The following ITPR2 variants were observed in gnomAD, a reference collection of about 807,000 sequenced individuals.
ITPR2 encodes the protein inositol 1,4,5-trisphosphate-gated calcium channel ITPR2.
Under a neutral mutation model 317.1 loss-of-function variants are expected in ITPR2, and 207 were observed. The ratio of observed to expected loss-of-function variants is 0.65; its 90% CI spans 0.58 to 0.73. ITPR2 has a LOEUF of 0.73. ITPR2 is among the 30% of genes least tolerant of loss of function. The probability of loss-of-function intolerance (pLI) is 0.00; values close to 1 mark genes in which losing one functional copy is unlikely to be tolerated. For synonymous variants in ITPR2, 1,156 were observed against 1,149.1 expected (o/e 1.01, Z -0.12); for missense variants, 2,613 against 3,284.0 (o/e 0.80, Z 4.99).
intron 2 of ITPR2, among the ~76,000 whole-genome samples, chr12:26,763,304 CAATA>C (rs563337792): frequency 1.3e-5 from 2 of 150,932 alleles, no homozygotes; most frequent in Non-Finnish European, 3.0e-5. Context: ...CCTACCAGTT[CAATA>C]AATAAATAAA....
At position 26,436,254 on chromosome 12, in the gene ITPR2, G is replaced by T; in HGVS notation, c.6736C>A (p.Leu2246Ile). Reference sequence around the variant, plus strand: ...CCATCATCCCCAAATGGGTAGAAGAGAGCAACAGCTAAATTGATGAACACA... The same window carrying T: ...CCATCATCCCCAAATGGGTAGAAGATAGCAACAGCTAAATTGATGAACACA... ...LAVFINLAVA[L>I]FYPFGDDGDE... The change falls in exon 48 of 57, where the codon CTC (leucine) becomes ATC (isoleucine). Residue 2246 changes from leucine (L) to isoleucine (I), a missense_variant. Physicochemically the swap from Leu to Ile is conservative, Grantham distance 5. Transcript: ENST00000381340. 6.2e-7 allele frequency: 1 copy of T among 1,612,434 alleles called. No homozygotes were observed. Among genetic ancestry groups the T allele is most frequent in the South Asian group, 1.1e-5 (1 of 90,680 alleles).
At position 26,736,676 on chromosome 12, in the gene ITPR2, G is replaced by A. The variant is rs576707943; in HGVS notation, c.164-10911C>T. ...TCACTCTCAAGAATGTCCTGGTTTG[G>A]GTGATAAGTATATTATCACTCCAAA... On this transcript the variant is annotated intron_variant, in intron 2 of 56. Transcript: ENST00000381340. Among the ~76,000 whole-genome samples the A allele has an allele frequency of 3.9e-5, 6 of 152,192 alleles. No homozygotes were observed. In the East Asian group the frequency reaches 1.2e-3, roughly 29 times the overall value.
At chr12:26,399,716 T>C (rs1940108722) in intron 53 of ITPR2, among the ~76,000 whole-genome samples, 1 of 152,206 alleles carries the variant, frequency 6.6e-6, no homozygotes, top group South Asian at 2.1e-4. Context: ...CCTGTTAGAA[T>C]TTGCTCAAAT....
chr12:26,462,633 C>T (rs1202025611), intron 45 of ITPR2, among the ~76,000 whole-genome samples: 1 of 151,352 alleles, frequency 6.6e-6, no homozygotes, highest in African/African-American at 2.4e-5. Flanking sequence ...CTCAACATGC[C>T]TTCAGGATAA....
intron 48 of ITPR2, among the ~76,000 whole-genome samples, chr12:26,433,462 T>C (rs1941272265): frequency 1.3e-5 from 2 of 152,184 alleles, no homozygotes; most frequent in African/African-American, 4.8e-5. Context: ...CAAGATAGTA[T>C]GTGATTTTTA....
intron 55 of ITPR2, among the ~76,000 whole-genome samples, chr12:26,346,728 A>G (rs1247308283): frequency 6.6e-6 from 1 of 151,508 alleles, no homozygotes; most frequent in Non-Finnish European, 1.5e-5. Flanking sequence ...AAGAGCACCA[A>G]TCTATGAGTC....
In ITPR2 at chr12:26,814,226, C is replaced by T. The variant is rs187961790; in HGVS notation, c.92+18464G>A. Among the ~76,000 whole-genome samples the T allele has an allele frequency of 3.2e-4, 49 of 152,132 alleles. 1 individual carries two copies. The highest frequency in any genetic ancestry group is 1.0e-3 in the African/African-American group (43 of 41,482). ...AGGGCAGGACTAATGCTGATGACGC[C>T]GCAGAATGAAGGAACCCAGGAGATT... On this transcript the variant is annotated intron_variant, in intron 1 of 56. Transcript: ENST00000381340.
At chr12:26,755,873 A>G (rs982809151) in intron 2 of ITPR2, among the ~76,000 whole-genome samples, 1 of 152,170 alleles carries the variant, frequency 6.6e-6, no homozygotes, top group Non-Finnish European at 1.5e-5. Flanking sequence ...TAAGTAAAGA[A>G]TGTGACTTTC....
intron 34 of ITPR2, among the ~76,000 whole-genome samples, chr12:26,569,038 C>T (rs1163926710): frequency 6.6e-6 from 1 of 152,066 alleles, no homozygotes; most frequent in Non-Finnish European, 1.5e-5. Context: ...ACACCTTATA[C>T]CTCACAACTA....
At chr12:26,649,916 G>A (rs1190362019) in intron 21 of ITPR2, among the ~76,000 whole-genome samples, 2 of 152,154 alleles carry the variant, frequency 1.3e-5, no homozygotes, top group South Asian at 2.1e-4. Context: ...TAGGAGAAAG[G>A]AGAAATTTTG....
At chr12:26,671,410 A>G (rs1947768196) in intron 13 of ITPR2, among the ~76,000 whole-genome samples, 1 of 152,200 alleles carries the variant, frequency 6.6e-6, no homozygotes, top group Non-Finnish European at 1.5e-5. Context: ...TTCTTAAAGA[A>G]AAGAATTTTC....
At chr12:26,566,986 C>T (rs1376302786) in intron 34 of ITPR2, among the ~76,000 whole-genome samples, 3 of 152,076 alleles carry the variant, frequency 2.0e-5, no homozygotes, top group Non-Finnish European at 2.9e-5. Flanking sequence ...ATTCAAAAAT[C>T]AAACAGAAGA....
At chr12:26,426,878 T>C (rs962300578) in intron 49 of ITPR2, among the ~76,000 whole-genome samples, 1 of 150,622 alleles carries the variant, frequency 6.6e-6, no homozygotes, top group Non-Finnish European at 1.5e-5. Context: ...ATATTAGTTA[T>C]TATTAAATAT....
intron 35 of ITPR2, among the ~76,000 whole-genome samples, chr12:26,560,162 G>A (rs1944774337): frequency 6.6e-6 from 1 of 152,038 alleles, no homozygotes; most frequent in African/African-American, 2.4e-5. Flanking sequence ...GTGCTGGTTG[G>A]CACTACTATA....
intron 2 of ITPR2, among the ~76,000 whole-genome samples, chr12:26,779,402 G>A (rs1950037716): frequency 6.6e-6 from 1 of 152,164 alleles, no homozygotes; most frequent in Admixed American, 6.5e-5. Context: ...CATAAAGTGG[G>A]TCATGCATAG....
intron 15 of ITPR2, among the ~76,000 whole-genome samples, chr12:26,661,550 T>C (rs10743589): frequency 0.84 from 128,270 of 152,140 alleles, 54,125 homozygotes; most frequent in Admixed American, 0.89. Context: ...CCCCAAGTAC[T>C]CTTCCAAAGG....
intron 2 of ITPR2, among the ~76,000 whole-genome samples, chr12:26,741,652 A>T (rs1229533318): frequency 6.6e-6 from 1 of 152,226 alleles, no homozygotes; most frequent in African/African-American, 2.4e-5. Context: ...AAATCCCCTG[A>T]ACGTGTAAGA....
intron 32 of ITPR2, among the ~76,000 whole-genome samples, chr12:26,591,103 G>A (rs1316245623): frequency 2.4e-4 from 25 of 103,710 alleles, no homozygotes; most frequent in South Asian, 1.0e-3. Flanking sequence ...AAAAAAAAAA[G>A]CCTTTTGTGC....
At chr12:26,552,511 AC>A (rs1168079264) in intron 36 of ITPR2, among the ~76,000 whole-genome samples, 1 of 152,184 alleles carries the variant, frequency 6.6e-6, no homozygotes, top group East Asian at 1.9e-4. Context: ...TGACACTGTT[AC>A]ATGGTGAAGA....
Sources: allele counts gnomAD v4.1 joint callset (sites outside exome capture counted in the v4.1 genomes callset), GRCh38; gene constraint gnomAD v4.1.1; transcripts MANE v1.5; gene names NCBI Gene and HGNC (gene_info 2026-07-23, HGNC 2026-07-21).